The following CPT1A variants were observed in gnomAD, a reference collection of about 807,000 sequenced individuals.
CPT1A encodes carnitine palmitoyltransferase 1A.
A neutral mutation model predicts 100.8 loss-of-function variants in CPT1A; 64 were observed. The observed-to-expected ratio is 0.63, with a 90% confidence interval of 0.52 to 0.78. CPT1A has a LOEUF of 0.78. Among genes scored for constraint, CPT1A ranks in the 30% least tolerant of loss-of-function variants. The pLI, the probability that CPT1A is intolerant of heterozygous loss-of-function variation, is 0.00. For missense variants in CPT1A, 802 were observed against 1,034.1 expected (o/e 0.78, Z 3.08); for synonymous variants, 363 against 396.0 (o/e 0.92, Z 0.99).
Position 68,812,127 on chromosome 11 carries a change from C to G in CPT1A, c.281+310G>C, listed in dbSNP as rs2278906. Among the ~76,000 whole-genome samples, 18,696 of 152,172 alleles carry G rather than the reference C, an allele frequency of 0.12. 1,280 individuals are homozygous for G. Among genetic ancestry groups the G allele is most frequent in the African/African-American group, 0.18 (7,645 of 41,494 alleles). On this transcript the variant is annotated intron_variant, in intron 3 of 18. Transcript: ENST00000265641. Reference sequence around the variant, plus strand: ...TTGAGCAGAAATTCCATTTCAGAGCCCTATTGGCCAGGCTAAGGGCACTGT... The same window carrying G: ...TTGAGCAGAAATTCCATTTCAGAGCGCTATTGGCCAGGCTAAGGGCACTGT...
At chr11:68,779,074 G>A (rs1376639561) in intron 12 of CPT1A, among the ~76,000 whole-genome samples, 2 of 152,128 alleles carry the variant, frequency 1.3e-5, no homozygotes, top group East Asian at 2.0e-4. Flanking sequence ...GTGAGCCACC[G>A]CGCCTGGCCA....
intron 4 of CPT1A, among the ~76,000 whole-genome samples, chr11:68,805,556 G>A (rs1037657242): frequency 1.3e-5 from 2 of 152,100 alleles, no homozygotes; most frequent in African/African-American, 4.8e-5. Flanking sequence ...CAGAGGTTGG[G>A]ACAGCAGCCC....
chr11:68,784,051 T>C (rs1323044950), intron 10 of CPT1A, among the ~76,000 whole-genome samples: 1 of 152,072 alleles, frequency 6.6e-6, no homozygotes, highest in Admixed American at 6.6e-5. Context: ...TTGGTAGAGA[T>C]GGGGTCTCAC....
At chr11:68,798,731 G>T (rs1855822441) in intron 6 of CPT1A, among the ~76,000 whole-genome samples, 1 of 152,314 alleles carries the variant, frequency 6.6e-6, no homozygotes, top group East Asian at 1.9e-4. Flanking sequence ...AGGAGGATGG[G>T]AGCAGGTCTC....
intron 2 of CPT1A, among the ~76,000 whole-genome samples, chr11:68,814,884 G>A (rs1242990713): frequency 6.6e-6 from 1 of 151,656 alleles, no homozygotes; most frequent in East Asian, 2.0e-4. Context: ...ATGGGGTTTT[G>A]TCGTGTCACC....
intron 1 of CPT1A, among the ~76,000 whole-genome samples, chr11:68,824,105 A>G (rs370591760): frequency 1.3e-5 from 2 of 150,824 alleles, no homozygotes; most frequent in Non-Finnish European, 1.5e-5. Context: ...AAAATTAGCC[A>G]GGCGCGGTGG....
chr11:68,768,521 G>A (rs1283782391), intron 14 of CPT1A, among the ~76,000 whole-genome samples: 2 of 151,852 alleles, frequency 1.3e-5, no homozygotes, highest in South Asian at 2.1e-4. Flanking sequence ...TGATTCTCCC[G>A]CCTCAGCCTC....
At position 68,755,029 on chromosome 11, in the gene CPT1A, G is replaced by T; in HGVS notation, c.*2615C>A. On this transcript the variant is annotated 3_prime_UTR_variant, in exon 19 of 19. Transcript: ENST00000265641. ...CAAACCATGGCTGCGTTAAGACAAT[G>T]GTTTGTTCCAATTAAATTAAACAGA... 1 of 595,644 alleles carries T rather than the reference G, an allele frequency of 1.7e-6. No homozygotes were observed. The highest frequency in any genetic ancestry group is 3.0e-6 in the Non-Finnish European group (1 of 328,718). 36.9% of individuals were successfully genotyped at this position (595,644 alleles called of 1,614,324 possible).
At chr11:68,842,494 C>T (rs1857182322), upstream of CPT1A, among the ~76,000 whole-genome samples, 1 of 152,114 alleles carries the variant, frequency 6.6e-6, no homozygotes, top group Admixed American at 6.6e-5. Context: ...GATCTGATTC[C>T]ACAGCCCATG....
intron 1 of CPT1A, chr11:68,839,780 A>T (rs977266718): frequency 3.2e-6 from 3 of 933,344 alleles, no homozygotes; most frequent in Non-Finnish European, 3.8e-6. Context: ...CCCTCGTTCC[A>T]GGGCTCCCCG....
At chr11:68,817,620 A>G (rs1856465178) in intron 1 of CPT1A, among the ~76,000 whole-genome samples, 1 of 151,592 alleles carries the variant, frequency 6.6e-6, no homozygotes, top group Admixed American at 6.6e-5. Flanking sequence ...CAGGAAGGGC[A>G]GGAGGATGGG....
rs572530629 is a variant in CPT1A, at chr11:68,812,279, C to T, written c.281+158G>A. Reference sequence around the variant, plus strand: ...CCGCAAACTCCTAGGGGGACCTTAACAGCACCCAGGAGACAGGAAGAAAGC... The same window carrying T: ...CCGCAAACTCCTAGGGGGACCTTAATAGCACCCAGGAGACAGGAAGAAAGC... On this transcript the variant is annotated intron_variant, in intron 3 of 18. Coordinates refer to ENST00000265641, the MANE Select transcript of CPT1A (RefSeq NM_001876.4). Among the ~76,000 whole-genome samples, 137 of 152,318 alleles carry T rather than the reference C, an allele frequency of 9.0e-4. 1 individual carries two copies. The highest frequency in any genetic ancestry group is 3.2e-3 in the African/African-American group (132 of 41,582).
intron 14 of CPT1A, among the ~76,000 whole-genome samples, chr11:68,763,332 A>C (rs980166413): frequency 1.3e-5 from 2 of 151,560 alleles, no homozygotes; most frequent in Admixed American, 1.3e-4. Flanking sequence ...AGTCCAACAC[A>C]CCTCTGCTGC....
intron 1 of CPT1A, among the ~76,000 whole-genome samples, chr11:68,829,055 T>C (rs1233934490): frequency 6.6e-6 from 1 of 152,050 alleles, no homozygotes; most frequent in Non-Finnish European, 1.5e-5. Flanking sequence ...TGACAATGAA[T>C]CTCACCACCT....
At chr11:68,808,355 A>C (rs1436112980) in intron 3 of CPT1A, among the ~76,000 whole-genome samples, 1 of 152,090 alleles carries the variant, frequency 6.6e-6, no homozygotes, top group South Asian at 2.1e-4. Context: ...GGGACTTTAA[A>C]AATGAGATGA....
At chr11:68,763,121 T>A (rs1854678654) in intron 14 of CPT1A, among the ~76,000 whole-genome samples, 1 of 152,180 alleles carries the variant, frequency 6.6e-6, no homozygotes, top group Non-Finnish European at 1.5e-5. Flanking sequence ...AGTGCTGGGA[T>A]TACAGGTGTG....
At chr11:68,822,028 G>A (rs1294177282) in intron 1 of CPT1A, among the ~76,000 whole-genome samples, 1 of 152,082 alleles carries the variant, frequency 6.6e-6, no homozygotes. Context: ...ATGCATGGCT[G>A]GTCAAATGGT....
Position 68,756,153 on chromosome 11 carries a change from G to A in CPT1A, c.*1491C>T, listed in dbSNP as rs1327601568. 1 of 142,936 alleles carries A rather than the reference G, an allele frequency of 7.0e-6. No individual in the cohort carries two copies. Among genetic ancestry groups the A allele is most frequent in the African/African-American group, 2.6e-5 (1 of 38,824 alleles). 8.9% of individuals were successfully genotyped at this position (142,936 alleles called of 1,614,324 possible). On this transcript the variant is annotated 3_prime_UTR_variant, in exon 19 of 19. Transcript: ENST00000265641. ...AAAAAAGGCACGTGTTCTCCGGCAA[G>A]CACCTTCCATCGACTCCAACAGTTC...
chr11:68,770,960 A>T (rs1414097888), intron 14 of CPT1A, among the ~76,000 whole-genome samples: 2 of 152,198 alleles, frequency 1.3e-5, no homozygotes, highest in African/African-American at 4.8e-5. Context: ...CCGAGTGTGG[A>T]GGGCAGAGAT....
Sources: allele counts gnomAD v4.1 joint callset (sites outside exome capture counted in the v4.1 genomes callset), GRCh38; gene constraint gnomAD v4.1.1; transcripts MANE v1.5; gene names NCBI Gene and HGNC (gene_info 2026-07-23, HGNC 2026-07-21).